Variants in CDK5RAP1 observed in about 807,000 individuals in gnomAD.
The protein encoded by CDK5RAP1 is CDK5RAP1 mitochondrial tRNA methylthiotransferase.
Under a neutral mutation model 64.5 loss-of-function variants are expected in CDK5RAP1, and 62 were observed. That is an observed-to-expected ratio of 0.96 (90% CI 0.78 to 1.19). The LOEUF (loss-of-function observed/expected upper bound fraction) is 1.19, where lower values mean the gene tolerates loss of function less well. Ranked by LOEUF, CDK5RAP1 falls within the 50% of genes most tolerant of loss-of-function variation. CDK5RAP1 has a pLI of 0.00. For missense variants in CDK5RAP1, 657 were observed against 735.0 expected (o/e 0.89, Z 1.23); for synonymous variants, 250 against 261.9 (o/e 0.95, Z 0.44).
intron 12 of CDK5RAP1, among the ~76,000 whole-genome samples, chr20:33,362,586 T>C (rs1055720186): frequency 6.6e-6 from 1 of 152,164 alleles, no homozygotes; most frequent in African/African-American, 2.4e-5. Context: ...AGTGGGTAAA[T>C]ACAGACTTTC....
chr20:33,383,059 T>C (rs914818151), intron 7 of CDK5RAP1, among the ~76,000 whole-genome samples: 1 of 151,768 alleles, frequency 6.6e-6, no homozygotes, highest in Non-Finnish European at 1.5e-5. Flanking sequence ...TGCACACCTG[T>C]AATTCCAGCT....
intron 7 of CDK5RAP1, among the ~76,000 whole-genome samples, chr20:33,383,974 G>A (rs1386027804): frequency 6.6e-6 from 1 of 152,030 alleles, no homozygotes; most frequent in South Asian, 2.1e-4. Flanking sequence ...TGGGGCAGAG[G>A]GGTCATTATA....
intron 12 of CDK5RAP1, among the ~76,000 whole-genome samples, chr20:33,366,475 G>A (rs558201017): frequency 3.5e-4 from 53 of 151,940 alleles, no homozygotes; most frequent in African/African-American, 1.2e-3. Flanking sequence ...AGCCAGGCAT[G>A]GTGACACACA....
chr20:33,380,903 G>C (rs568452361), intron 7 of CDK5RAP1, among the ~76,000 whole-genome samples: 43 of 152,242 alleles, frequency 2.8e-4, no homozygotes, highest in Non-Finnish European at 5.3e-4. Context: ...AGGAGGGTGA[G>C]GCAGGAGAAT....
chr20:33,389,703 G>A (rs1988067717), intron 5 of CDK5RAP1, among the ~76,000 whole-genome samples: 1 of 152,206 alleles, frequency 6.6e-6, no homozygotes, highest in South Asian at 2.1e-4. Context: ...CGTCTGGGAG[G>A]TGTACACAAC....
At chr20:33,360,994 G>A (rs1424490867) in intron 12 of CDK5RAP1, among the ~76,000 whole-genome samples, 1 of 152,208 alleles carries the variant, frequency 6.6e-6, no homozygotes, top group Non-Finnish European at 1.5e-5. Context: ...AACTTCTAGA[G>A]TCTACGGAAA....
intron 8 of CDK5RAP1, among the ~76,000 whole-genome samples, chr20:33,374,517 AG>A (rs1393224366): frequency 3.3e-5 from 5 of 152,174 alleles, no homozygotes; most frequent in African/African-American, 1.2e-4. Context: ...CAGGCAAAGC[AG>A]GAAAAAAATG....
intron 1 of CDK5RAP1, among the ~76,000 whole-genome samples, chr20:33,400,604 C>T (rs1318148247): frequency 6.6e-6 from 1 of 152,146 alleles, no homozygotes; most frequent in African/African-American, 2.4e-5. Context: ...CCCACACCCC[C>T]TTTCACAGAG....
intron 7 of CDK5RAP1, among the ~76,000 whole-genome samples, chr20:33,381,363 A>G (rs984332332): frequency 2.6e-5 from 4 of 152,212 alleles, no homozygotes; most frequent in African/African-American, 9.6e-5. Context: ...ATACAACACT[A>G]TTATCTACTT....
At chr20:33,388,838 G>T (rs1987855970) in intron 5 of CDK5RAP1, among the ~76,000 whole-genome samples, 2 of 152,118 alleles carry the variant, frequency 1.3e-5, no homozygotes, top group Admixed American at 1.3e-4. Flanking sequence ...TGTTGGCCGG[G>T]CTGGTCTCCA....
chr20:33,367,119 A>G, intron 11 of CDK5RAP1, 111 bp from the exon 12 acceptor site: 2 of 1,058,672 alleles, frequency 1.9e-6, no homozygotes. Context: ...TAACAGACAC[A>G]TGTACAGAAA....
rs1260444617 is a variant in CDK5RAP1 at position 33,385,730 on chromosome 20, T to C, written c.796A>G (p.Ile266Val). The C allele has an allele frequency of 3.1e-6, 5 of 1,613,960 alleles. No homozygotes were observed. Among genetic ancestry groups the C allele is most frequent in the South Asian group, 1.1e-5 (1 of 91,064 alleles). ...TCCCTGCCCCGGGTGAAAGGAACAA[T>C]GCAGTAGCTACACATGTTGTCACAG... ...RGCDNMCSYC[I>V]VPFTRGRERS... Residue 266 changes from isoleucine (I) to valine (V), a missense_variant, in exon 7 of 14, where the codon ATT (isoleucine) becomes GTT (valine). Transcript: ENST00000346416.
chr20:33,369,718 C>T (rs962424812), intron 11 of CDK5RAP1, among the ~76,000 whole-genome samples: 26 of 152,092 alleles, frequency 1.7e-4, no homozygotes, highest in Non-Finnish European at 2.4e-4. Flanking sequence ...AGTTTGAGAC[C>T]AACCTGGACA....
chr20:33,387,842 G>A lies in CDK5RAP1; in HGVS notation c.545-309C>T, dbSNP rs568581794. Among the ~76,000 whole-genome samples the A allele has an allele frequency of 9.9e-5, 15 of 152,186 alleles. No homozygotes were observed. The East Asian group carries it at 1.4e-3, about 14-fold the overall frequency. On this transcript the variant is annotated intron_variant, in intron 5 of 13. Coordinates refer to ENST00000346416, the MANE Select transcript of CDK5RAP1 (RefSeq NM_016408.4). ...CACACTTTGGGGGGCCGAGGCAGGC[G>A]GATCACCTGAGGTTGAGAGTTCAAG...
At position 33,368,459 on chromosome 20, in the gene CDK5RAP1, A is replaced by ATTTTTT. The variant is rs35954744; in HGVS notation, c.1393-1457_1393-1452dup. Among the ~76,000 whole-genome samples the ATTTTTT allele has an allele frequency of 3.7e-4, 25 of 67,600 alleles. 1 individual carries two copies. Among genetic ancestry groups the ATTTTTT allele is most frequent in the Admixed American group, 4.3e-4 (2 of 4,668 alleles). The allele number at this position is 67,600 out of a possible 152,430, so 44.3% of individuals were successfully genotyped here. On this transcript the variant is annotated intron_variant, in intron 11 of 13. Coordinates refer to ENST00000346416, the MANE Select transcript of CDK5RAP1 (RefSeq NM_016408.4). ...AGGCATGTGCCACCACTCTCGGCTAATTTTTTTTTTTTTTTTTTTTTTTTT... is the reference window on the plus strand; with the variant it reads ...AGGCATGTGCCACCACTCTCGGCTAATTTTTTTTTTTTTTTTTTTTTTTTTTTTTTT...
intron 11 of CDK5RAP1, among the ~76,000 whole-genome samples, chr20:33,369,201 G>A (rs1161013100): frequency 6.6e-6 from 1 of 151,640 alleles, no homozygotes; most frequent in Non-Finnish European, 1.5e-5. Flanking sequence ...AAAATAGAAG[G>A]GGCCAGGCAC....
intron 13 of CDK5RAP1, chr20:33,360,086 C>T (rs944662806): frequency 1.2e-5 from 5 of 421,202 alleles, no homozygotes; most frequent in East Asian, 4.3e-5. Context: ...CTCTCTGCAG[C>T]GAGAAACTAC....
At chr20:33,369,651 C>CA (rs1168895111) in intron 11 of CDK5RAP1, among the ~76,000 whole-genome samples, 3 of 152,158 alleles carry the variant, frequency 2.0e-5, no homozygotes, top group African/African-American at 7.2e-5. Context: ...TGTCATGACT[C>CA]ACGCCTGTCA....
intron 6 of CDK5RAP1, among the ~76,000 whole-genome samples, chr20:33,386,492 T>C (rs192189669): frequency 6.6e-6 from 1 of 152,312 alleles, no homozygotes; most frequent in East Asian, 1.9e-4. Context: ...TGTGTGTATA[T>C]GTGTGTATAT....
Sources: gnomAD v4.1 joint callset for allele counts (sites outside exome capture counted in the v4.1 genomes callset) on GRCh38, gnomAD v4.1.1 for gene constraint, MANE v1.5 for transcripts, NCBI Gene and HGNC (gene_info 2026-07-23, HGNC 2026-07-21) for gene names.